DLG1: variants seen among roughly 807,000 people sequenced by gnomAD.
DLG1 encodes the protein discs large MAGUK scaffold protein 1, also known as disks large homolog 1.
In DLG1, 42 loss-of-function variants were observed where a neutral mutation model predicts 123.4. The ratio of observed to expected loss-of-function variants is 0.34; its 90% CI spans 0.27 to 0.44. DLG1 has a LOEUF of 0.44. Among genes scored for constraint, DLG1 ranks in the 20% least tolerant of loss-of-function variants. The pLI, the probability that DLG1 is intolerant of heterozygous loss-of-function variation, is 1.00. For missense variants in DLG1, 942 were observed against 1,082.6 expected, an observed-to-expected ratio of 0.87 and a Z score of 1.82; for synonymous variants, 317 against 356.2, an observed-to-expected ratio of 0.89 and a Z score of 1.24.
At chr3:197,295,539 T>C (rs1777013347) in intron 3 of DLG1, among the ~76,000 whole-genome samples, 1 of 151,814 alleles carries the variant, frequency 6.6e-6, no homozygotes, top group African/African-American at 2.4e-5. Context: ...AGTTCGGTGG[T>C]TTGCAAACTT....
rs141049120 is a variant in DLG1 at position 197,117,948 on chromosome 3, A to C, written c.1286+1462T>G. 3.7e-4 allele frequency among the ~76,000 whole-genome samples: 56 copies of C among 152,296 alleles called. No individual in the cohort carries two copies. The Middle Eastern group carries it at 0.01, about 28-fold the overall frequency. On this transcript the variant is annotated intron_variant, in intron 12 of 24. Transcript: ENST00000667157. ...AAAGCTGTTAAAAAATAAACTTTAG[A>C]ACCAAAATGTAGGTATGTTGTGATT...
At position 197,080,989 on chromosome 3, in the gene DLG1, T is replaced by C. The variant is rs1750803072; in HGVS notation, c.1905+62A>G. 5 of 1,474,734 alleles carry C rather than the reference T, an allele frequency of 3.4e-6. No homozygotes were observed. The East Asian group carries it at 1.1e-4, about 34-fold the overall frequency. 91.4% of individuals were successfully genotyped at this position (1,474,734 alleles called of 1,614,324 possible). On this transcript the variant is annotated intron_variant, in intron 17 of 24. Coordinates refer to ENST00000667157, the MANE Select transcript of DLG1 (RefSeq NM_001366207.1). ...TGAATAATTCTGATAGCAAAATCCT[T>C]TTCATTTTAACAATGTAGCTCAAAC...
At chr3:197,062,826 C>T (rs1736758803) in intron 22 of DLG1, among the ~76,000 whole-genome samples, 2 of 152,154 alleles carry the variant, frequency 1.3e-5, no homozygotes, top group African/African-American at 4.8e-5. Context: ...AAATACACAT[C>T]TATTTCTATA....
intron 1 of DLG1, chr3:197,297,500 C>G (rs1437139003): frequency 8.0e-7 from 1 of 1,243,884 alleles, no homozygotes; most frequent in African/African-American, 1.6e-5. Flanking sequence ...AGAGCCTAGA[C>G]CTGAGGCCGC....
At chr3:197,158,961 A>G (rs1302400120) in intron 5 of DLG1, among the ~76,000 whole-genome samples, 1 of 152,196 alleles carries the variant, frequency 6.6e-6, no homozygotes, top group Non-Finnish European at 1.5e-5. Context: ...TAGGGTGCAA[A>G]TAAGCCTCTG....
At chr3:197,295,414 G>A (rs1374044862) in intron 3 of DLG1, among the ~76,000 whole-genome samples, 24 of 150,838 alleles carry the variant, frequency 1.6e-4, no homozygotes, top group Non-Finnish European at 3.0e-5. Context: ...AGTTACTGAA[G>A]AAATAAATGT....
chr3:197,048,328 G>T (rs1302138671), intron 24 of DLG1, among the ~76,000 whole-genome samples: 1 of 152,092 alleles, frequency 6.6e-6, no homozygotes, highest in African/African-American at 2.4e-5. Context: ...AAAATTAGCC[G>T]GGTGTGGTGG....
At chr3:197,222,194 T>C (rs1015488979) in intron 4 of DLG1, among the ~76,000 whole-genome samples, 1 of 152,174 alleles carries the variant, frequency 6.6e-6, no homozygotes, top group Non-Finnish European at 1.5e-5. Context: ...CCCTTACTAC[T>C]AGGAGAGTCC....
intron 11 of DLG1, among the ~76,000 whole-genome samples, chr3:197,125,713 C>T (rs1365075826): frequency 2.0e-5 from 3 of 152,078 alleles, no homozygotes; most frequent in African/African-American, 7.2e-5. Context: ...GCAGGATAGT[C>T]AGAAAGAGAT....
chr3:197,061,067 G>C (rs1207007531), intron 22 of DLG1, among the ~76,000 whole-genome samples: 1 of 152,210 alleles, frequency 6.6e-6, no homozygotes, highest in Non-Finnish European at 1.5e-5. Flanking sequence ...GCCTCCCAAA[G>C]TGCTGGGATT....
Position 197,121,488 on chromosome 3 carries a change from G to GT in DLG1, c.1166-1959dup, listed in dbSNP as rs1376200635. Among the ~76,000 whole-genome samples the GT allele has an allele frequency of 2.0e-5, 3 of 152,152 alleles. No individual in the cohort carries two copies. The East Asian group carries it at 5.8e-4, about 29-fold the overall frequency. On this transcript the variant is annotated intron_variant, in intron 11 of 24. Coordinates refer to ENST00000667157, the MANE Select transcript of DLG1 (RefSeq NM_001366207.1). Reference sequence around the variant, plus strand: ...GGCCATGCAGCTAAAGAGAATATAAGTTAAAAGCGAGAAAATATATACTGT... The same window carrying GT: ...GGCCATGCAGCTAAAGAGAATATAAGTTTAAAAGCGAGAAAATATATACTGT...
chr3:197,275,096 G>A (rs923294676), intron 4 of DLG1, among the ~76,000 whole-genome samples: 19 of 150,946 alleles, frequency 1.3e-4, no homozygotes, highest in Middle Eastern at 3.4e-3. Context: ...TGAGGCAGAA[G>A]AATTGCTTGG....
At chr3:197,156,592 T>C (rs1165352264) in intron 5 of DLG1, among the ~76,000 whole-genome samples, 1 of 152,000 alleles carries the variant, frequency 6.6e-6, no homozygotes, top group Non-Finnish European at 1.5e-5. Flanking sequence ...ACAAATATGC[T>C]GAAACTGAAG....
Position 197,051,754 on chromosome 3 carries a change from T to C in DLG1, c.2484-86A>G, listed in dbSNP as rs1727899788. 12 of 966,802 alleles carry C rather than the reference T, an allele frequency of 1.2e-5. No individual in the cohort carries two copies. The East Asian group carries it at 3.1e-4, about 25-fold the overall frequency. The allele number at this position is 966,802 out of a possible 1,614,324, so 59.9% of individuals were successfully genotyped here. On this transcript the variant is annotated intron_variant, in intron 23 of 24. Transcript: ENST00000667157. ...GGCAAAGGAGAGATGACACATAAAA[T>C]AGAAAATCATGAAAAGTTGAACTCT...
intron 5 of DLG1, among the ~76,000 whole-genome samples, chr3:197,168,904 C>T (rs1392438668): frequency 6.6e-6 from 1 of 152,158 alleles, no homozygotes; most frequent in African/African-American, 2.4e-5. Context: ...GATATTAACA[C>T]CGTCACAAGG....
chr3:197,125,240 G>C (rs1236768411), intron 11 of DLG1, among the ~76,000 whole-genome samples: 1 of 152,108 alleles, frequency 6.6e-6, no homozygotes, highest in Non-Finnish European at 1.5e-5. Context: ...GAGTGGGAGA[G>C]TGAATTAGGG....
At chr3:197,231,714 C>A (rs901423538) in intron 4 of DLG1, among the ~76,000 whole-genome samples, 24 of 147,840 alleles carry the variant, frequency 1.6e-4, no homozygotes, top group African/African-American at 5.2e-4. Context: ...AAAAAAACAA[C>A]AAAAAACAAA....
intron 3 of DLG1, among the ~76,000 whole-genome samples, chr3:197,291,907 G>T (rs528878178): frequency 6.6e-6 from 1 of 152,266 alleles, no homozygotes; most frequent in South Asian, 2.1e-4. Flanking sequence ...TACACTTGAA[G>T]AGGAGTCATA....
At position 197,200,905 on chromosome 3, in the gene DLG1, T is replaced by A. The variant is rs141972189; in HGVS notation, c.319-6316A>T. The stretch of plus-strand genomic sequence containing the variant: ...AGTTAATGGGGAAAAGTTAAAAGCA[T>A]TCCCTCTAAGAACTGGAACAATACC... On this transcript the variant is annotated intron_variant, in intron 4 of 24. Transcript: ENST00000667157. Among the ~76,000 whole-genome samples, 41 of 152,180 alleles carry A rather than the reference T, an allele frequency of 2.7e-4. No homozygotes were observed. In the East Asian group the frequency reaches 7.7e-3, roughly 29 times the overall value.
Sources: allele counts gnomAD v4.1 joint callset (sites outside exome capture counted in the v4.1 genomes callset), GRCh38; gene constraint gnomAD v4.1.1; transcripts MANE v1.5; gene names NCBI Gene and HGNC (gene_info 2026-07-23, HGNC 2026-07-21).